PBX3: variants seen among roughly 807,000 people sequenced by gnomAD.
PBX3 encodes PBX homeobox 3.
In PBX3, 14 loss-of-function variants were observed where a neutral mutation model predicts 48.5. That is an observed-to-expected ratio of 0.29 (90% CI 0.19 to 0.45). The LOEUF is 0.45. Among genes scored for constraint, PBX3 ranks in the 20% least tolerant of loss-of-function variants. PBX3 has a pLI of 1.00. For missense variants in PBX3, 386 were observed against 546.7 expected (o/e 0.71, Z 2.93); for synonymous variants, 210 against 200.3 (o/e 1.05, Z -0.41).
intron 2 of PBX3, among the ~76,000 whole-genome samples, chr9:125,814,362 C>A (rs1838395990): frequency 6.6e-6 from 1 of 151,642 alleles, no homozygotes; most frequent in Non-Finnish European, 1.5e-5. Context: ...TGGAATGGTA[C>A]AATGCCAGTA....
At chr9:125,951,728 G>A (rs1842199867) in intron 5 of PBX3, among the ~76,000 whole-genome samples, 1 of 152,114 alleles carries the variant, frequency 6.6e-6, no homozygotes, top group Admixed American at 6.6e-5. Flanking sequence ...ACCTTAGATG[G>A]CATGACTTGT....
intron 3 of PBX3, among the ~76,000 whole-genome samples, chr9:125,920,888 A>G (rs1349810052): frequency 6.6e-6 from 1 of 152,170 alleles, no homozygotes; most frequent in Non-Finnish European, 1.5e-5. Context: ...AATTTAAACT[A>G]CTGTAAAAGC....
intron 2 of PBX3, among the ~76,000 whole-genome samples, chr9:125,781,931 C>T (rs1837331215): frequency 6.6e-6 from 1 of 152,062 alleles, no homozygotes; most frequent in Non-Finnish European, 1.5e-5. Flanking sequence ...TCATTCCCTC[C>T]ATTACCTTCT....
intron 2 of PBX3, among the ~76,000 whole-genome samples, chr9:125,900,852 T>G (rs1399730147): frequency 2.0e-5 from 3 of 150,338 alleles, no homozygotes; most frequent in Non-Finnish European, 4.4e-5. Context: ...AGCTTAAATG[T>G]GGGGGTCTTC....
At chr9:125,779,433 A>G (rs2132025212) in intron 2 of PBX3, among the ~76,000 whole-genome samples, 1 of 134,832 alleles carries the variant, frequency 7.4e-6, no homozygotes, top group Non-Finnish European at 1.6e-5. Flanking sequence ...GTCCCTGGGT[A>G]CTTGAGATTA....
intron 1 of PBX3, 154 bp from the exon 2 acceptor site, chr9:125,748,396 C>G: frequency 2.1e-6 from 3 of 1,397,642 alleles, no homozygotes; most frequent in Admixed American, 4.9e-5. Context: ...CTGTCGGGAA[C>G]TAGTCAACTG....
At chr9:125,907,519 C>A (rs1841103040) in intron 2 of PBX3, among the ~76,000 whole-genome samples, 2 of 151,912 alleles carry the variant, frequency 1.3e-5, no homozygotes. Flanking sequence ...TTTAAAGTGA[C>A]AATTGTATGT....
At chr9:125,867,726 G>A (rs369557081) in intron 2 of PBX3, among the ~76,000 whole-genome samples, 14 of 149,764 alleles carry the variant, frequency 9.3e-5, no homozygotes, top group African/African-American at 3.5e-4. Flanking sequence ...TGACAATGAT[G>A]ATTGTCTTTC....
chr9:125,846,510 A>G (rs1055390249), intron 2 of PBX3, among the ~76,000 whole-genome samples: 1 of 152,036 alleles, frequency 6.6e-6, no homozygotes, highest in Non-Finnish European at 1.5e-5. Flanking sequence ...CCACTGCAAT[A>G]TTCTCCCCAC....
At chr9:125,757,509 A>T (rs1194361659) in intron 2 of PBX3, among the ~76,000 whole-genome samples, 3 of 152,194 alleles carry the variant, frequency 2.0e-5, no homozygotes. Context: ...CTGTTGGTCC[A>T]TTAAAAGATA....
At chr9:125,765,149 A>G (rs2131985875) in intron 2 of PBX3, among the ~76,000 whole-genome samples, 1 of 151,450 alleles carries the variant, frequency 6.6e-6, no homozygotes, top group South Asian at 2.1e-4. Flanking sequence ...TTTTAAAGAA[A>G]TTGGTTTTTT....
chr9:125,925,014 A>G (rs1315329076), intron 3 of PBX3, among the ~76,000 whole-genome samples: 1 of 152,198 alleles, frequency 6.6e-6, no homozygotes, highest in Non-Finnish European at 1.5e-5. Flanking sequence ...CTTTCTCAAG[A>G]CAGTCCTCCT....
chr9:125,921,199 G>A (rs1290205779), intron 3 of PBX3, among the ~76,000 whole-genome samples: 3 of 152,204 alleles, frequency 2.0e-5, no homozygotes, highest in Non-Finnish European at 4.4e-5. Context: ...TTGCCTGGAA[G>A]GAGGGTTTGG....
At chr9:125,933,369 C>G (rs545337445) in intron 4 of PBX3, among the ~76,000 whole-genome samples, 64 of 152,322 alleles carry the variant, frequency 4.2e-4, no homozygotes, top group African/African-American at 1.5e-3. Context: ...AGTTTGGACA[C>G]AGCCAGAATG....
At chr9:125,842,049 T>C (rs118131678) in intron 2 of PBX3, among the ~76,000 whole-genome samples, 2,139 of 152,326 alleles carry the variant, frequency 0.014, 24 homozygotes, top group Non-Finnish European at 0.021. Context: ...TCTCTCAACC[T>C]CTAATTTTGA....
intron 2 of PBX3, among the ~76,000 whole-genome samples, chr9:125,756,887 A>G (rs1404127260): frequency 6.6e-6 from 1 of 152,208 alleles, no homozygotes; most frequent in Non-Finnish European, 1.5e-5. Flanking sequence ...CCCTTCTCTG[A>G]TTCCCTGAAC....
intron 2 of PBX3, among the ~76,000 whole-genome samples, chr9:125,897,837 G>A (rs1404136361): frequency 2.0e-5 from 3 of 151,728 alleles, no homozygotes; most frequent in Non-Finnish European, 4.4e-5. Context: ...ACCACTAGCC[G>A]ACTTAACTAA....
intron 2 of PBX3, among the ~76,000 whole-genome samples, chr9:125,842,231 T>G (rs566930134): frequency 6.6e-6 from 1 of 152,314 alleles, no homozygotes; most frequent in South Asian, 2.1e-4. Flanking sequence ...TCAGGCCATC[T>G]TACTGAAACT....
intron 2 of PBX3, among the ~76,000 whole-genome samples, chr9:125,889,803 G>A (rs908652595): frequency 1.5e-4 from 22 of 148,974 alleles, no homozygotes; most frequent in East Asian, 1.2e-3. Flanking sequence ...GAACGCGGGA[G>A]GGGGAGCCGG....
Sources: allele counts gnomAD v4.1 joint callset (sites outside exome capture counted in the v4.1 genomes callset), GRCh38; gene constraint gnomAD v4.1.1; transcripts MANE v1.5; gene names NCBI Gene and HGNC (gene_info 2026-07-23, HGNC 2026-07-21).